Variants in EDA observed in about 807,000 individuals in gnomAD.
EDA encodes ectodysplasin A.
A neutral mutation model predicts 23.6 loss-of-function variants in EDA; 2 were observed. The observed-to-expected ratio is 0.08, with a 90% CI of 0.03 to 0.27. EDA has a LOEUF of 0.27. EDA is among the 10% of genes least tolerant of loss of function. The pLI, the probability that EDA is intolerant of heterozygous loss-of-function variation, is 1.00. For synonymous variants in EDA, 131 were observed against 132.0 expected, an observed-to-expected ratio of 0.99 and a Z score of 0.05; for missense variants, 229 against 324.2, an observed-to-expected ratio of 0.71 and a Z score of 2.26.
intron 1 of EDA, among the ~76,000 whole-genome samples, chrX:69,878,416 T>A (rs1055067461): frequency 7.1e-5 from 8 of 112,378 alleles, no homozygotes; most frequent in Non-Finnish European, 7.5e-5. Flanking sequence ...AATTCAGCTA[T>A]GGCAGCTGAG....
chrX:69,756,201 T>C (rs2014112630), intron 1 of EDA, among the ~76,000 whole-genome samples: 2 of 112,512 alleles, frequency 1.8e-5, no homozygotes, highest in African/African-American at 6.5e-5. Flanking sequence ...TTATTTTTCT[T>C]ACAATTTGTT....
chrX:69,624,438 C>T (rs776177664), intron 1 of EDA, among the ~76,000 whole-genome samples: 2 of 111,307 alleles, frequency 1.8e-5, no homozygotes, highest in East Asian at 5.6e-4. Context: ...CTTTACCTTT[C>T]TCCTGGTTAG....
At chrX:69,755,886 G>T (rs1301343019) in intron 1 of EDA, among the ~76,000 whole-genome samples, 3 of 112,766 alleles carry the variant, frequency 2.7e-5, no homozygotes, top group African/African-American at 9.7e-5. Context: ...TAATCTCCTG[G>T]TGTGCTGTTT....
At chrX:69,793,237 CAATT>C (rs1432701203) in intron 1 of EDA, among the ~76,000 whole-genome samples, 1 of 111,989 alleles carries the variant, frequency 8.9e-6, no homozygotes, top group Non-Finnish European at 1.9e-5. Flanking sequence ...TGAAAAGAAA[CAATT>C]AAGATGTCAG....
chrX:70,022,020 T>A lies in EDA; in HGVS notation c.503-1198T>A, dbSNP rs547422855. Among the ~76,000 whole-genome samples, 5 of 111,814 alleles carry A rather than the reference T, an allele frequency of 4.5e-5. No homozygotes were observed. In the South Asian group the frequency reaches 1.9e-3, roughly 42 times the overall value. The stretch of plus-strand genomic sequence containing the variant: ...TGTAAGCTCTTGAGGGCACTGACAG[T>A]GGTTTAATGTATAACTGTGTCTTCA... On this transcript the variant is annotated intron_variant, in intron 2 of 7. Coordinates refer to ENST00000374552, the MANE Select transcript of EDA (RefSeq NM_001399.5).
At chrX:69,778,550 G>A (rs1397118447) in intron 1 of EDA, among the ~76,000 whole-genome samples, 2 of 111,722 alleles carry the variant, frequency 1.8e-5, no homozygotes, top group Admixed American at 1.9e-4. Context: ...TAAATGAACC[G>A]TCTAAAACTT....
intron 1 of EDA, among the ~76,000 whole-genome samples, chrX:69,914,903 T>A (rs1390127272): frequency 8.9e-6 from 1 of 111,984 alleles, no homozygotes; most frequent in African/African-American, 3.2e-5. Context: ...TAATCTTTTT[T>A]AGGTTTCCAC....
intron 2 of EDA, among the ~76,000 whole-genome samples, chrX:70,012,373 G>A (rs2019888633): frequency 1.8e-5 from 2 of 112,001 alleles, no homozygotes; most frequent in Admixed American, 1.9e-4. Context: ...CGTCTAGTAT[G>A]GGACAGCTCT....
At chrX:69,974,494 T>G (rs1336340431) in intron 2 of EDA, among the ~76,000 whole-genome samples, 1 of 111,146 alleles carries the variant, frequency 9.0e-6, no homozygotes, top group Non-Finnish European at 1.9e-5. Flanking sequence ...ATTCTGGACA[T>G]CAGCTTTGGG....
chrX:69,916,426 G>A (rs1246984512), intron 1 of EDA, among the ~76,000 whole-genome samples: 7 of 74,728 alleles, frequency 9.4e-5, no homozygotes, highest in African/African-American at 2.2e-4. Flanking sequence ...TTTTTGAGAC[G>A]GAGTCTCACT....
At chrX:69,783,519 T>C (rs2015028520) in intron 1 of EDA, among the ~76,000 whole-genome samples, 1 of 103,523 alleles carries the variant, frequency 9.7e-6, no homozygotes, top group South Asian at 4.9e-4. Context: ...TTCCCACCTA[T>C]GAGTGAGAAT....
At chrX:69,834,119 AAAGGACATG>A (rs1209222909) in intron 1 of EDA, among the ~76,000 whole-genome samples, 1 of 110,271 alleles carries the variant, frequency 9.1e-6, no homozygotes, top group Admixed American at 9.7e-5. Context: ...ATGTCCCTAC[AAAGGACATG>A]AACTCATCCA....
intron 1 of EDA, among the ~76,000 whole-genome samples, chrX:69,744,009 C>T (rs185931758): frequency 7.4e-4 from 83 of 111,507 alleles, no homozygotes; most frequent in African/African-American, 2.5e-3. Context: ...GATATGATAA[C>T]AGTAATATCT....
intron 1 of EDA, among the ~76,000 whole-genome samples, chrX:69,832,882 T>C (rs1210585714): frequency 7.1e-5 from 8 of 111,897 alleles, no homozygotes; most frequent in Non-Finnish European, 1.1e-4. Context: ...TTTTTGCACA[T>C]TGATTTTGTA....
At chrX:69,813,534 A>G (rs2016009689) in intron 1 of EDA, among the ~76,000 whole-genome samples, 1 of 111,641 alleles carries the variant, frequency 9.0e-6, no homozygotes. Context: ...TTACTTTCTT[A>G]ATTTTCTCCT....
At chrX:69,788,482 C>G (rs1384159891) in intron 1 of EDA, among the ~76,000 whole-genome samples, 1 of 111,825 alleles carries the variant, frequency 8.9e-6, no homozygotes, top group Non-Finnish European at 1.9e-5. Context: ...TGTGGCTGTC[C>G]TTTCTGTTTG....
intron 1 of EDA, among the ~76,000 whole-genome samples, chrX:69,727,399 T>G (rs1334262591): frequency 1.8e-5 from 2 of 112,205 alleles, no homozygotes; most frequent in African/African-American, 6.5e-5. Flanking sequence ...AACTGCCCTC[T>G]ACTACCCAGT....
chrX:69,779,332 A>G (rs1467067739), intron 1 of EDA, among the ~76,000 whole-genome samples: 1 of 111,955 alleles, frequency 8.9e-6, no homozygotes, highest in Non-Finnish European at 1.9e-5. Context: ...ATACAAAAGA[A>G]TATTATTCAG....
At chrX:69,684,814 C>T (rs1053353543) in intron 1 of EDA, among the ~76,000 whole-genome samples, 1 of 112,145 alleles carries the variant, frequency 8.9e-6, no homozygotes, top group South Asian at 3.7e-4. Flanking sequence ...ATAAGGAATG[C>T]CATTTGTTTA....
Sources: allele counts gnomAD v4.1 joint callset (sites outside exome capture counted in the v4.1 genomes callset), GRCh38; gene constraint gnomAD v4.1.1; transcripts MANE v1.5; gene names NCBI Gene and HGNC (gene_info 2026-07-23, HGNC 2026-07-21).